Variants in INVS observed in about 807,000 individuals in gnomAD.
INVS encodes the protein inversin.
INVS carries 86 observed loss-of-function variants against 108.8 expected under a neutral mutation model. That is an observed-to-expected ratio of 0.79 (90% CI 0.66 to 0.95). INVS has a LOEUF of 0.95. Among genes scored for constraint, INVS ranks in the 40% least tolerant of loss-of-function variants. INVS has a pLI of 0.00. For synonymous variants in INVS, 455 were observed against 473.5 expected (o/e 0.96, Z 0.51); for missense variants, 1,169 against 1,297.4 (o/e 0.90, Z 1.52).
chr9:100,164,174 T>G (rs1172060417), intron 3 of INVS, among the ~76,000 whole-genome samples: 1 of 152,206 alleles, frequency 6.6e-6, no homozygotes, highest in Non-Finnish European at 1.5e-5. Flanking sequence ...TTGAAATGTG[T>G]ATACATTCTG....
At chr9:100,270,464 G>A (rs1832916234) in intron 11 of INVS, among the ~76,000 whole-genome samples, 1 of 151,946 alleles carries the variant, frequency 6.6e-6, no homozygotes. Flanking sequence ...ACAAAAACTG[G>A]CCGGGTGCAG....
In INVS at chr9:100,300,660, A is replaced by G. The variant is rs750609488; in HGVS notation, c.3184A>G (p.Lys1062Glu). ...GCAATCAGCTACTCAGCCAAAAAAC[A>G]AAACAAAACCTTGACTGCCTATGGA... ...NLQSATQPKNKTKP is the reference protein window; with the variant it reads ...NLQSATQPKNETKP The change falls in exon 17 of 17, where the codon AAA becomes GAA. Residue 1062 changes from lysine to glutamate, a missense_variant. By Grantham distance (56) the Lys-to-Glu change is moderately conservative (BLOSUM62 1). Coordinates refer to ENST00000262457, the MANE Select transcript of INVS (RefSeq NM_014425.5). The G allele has an allele frequency of 1.2e-6, 2 of 1,612,404 alleles. No individual in the cohort carries two copies. Among genetic ancestry groups the G allele is most frequent in the East Asian group, 2.2e-5 (1 of 44,882 alleles).
At chr9:100,121,472 A>G (rs1442897604) in intron 2 of INVS, among the ~76,000 whole-genome samples, 1 of 152,188 alleles carries the variant, frequency 6.6e-6, no homozygotes, top group African/African-American at 2.4e-5. Context: ...TATATCTTCC[A>G]AGGAATTTAT....
intron 3 of INVS, among the ~76,000 whole-genome samples, chr9:100,183,472 A>G (rs1829956789): frequency 6.6e-6 from 1 of 152,190 alleles, no homozygotes. Flanking sequence ...CAAAACTAAG[A>G]TAATTTATCC....
At chr9:100,141,670 C>T (rs1461868448) in intron 3 of INVS, among the ~76,000 whole-genome samples, 1 of 152,112 alleles carries the variant, frequency 6.6e-6, no homozygotes, top group Non-Finnish European at 1.5e-5. Context: ...CTTGCCAGTC[C>T]TGGGCAGGGG....
chr9:100,149,381 GA>G (rs1239067669), intron 3 of INVS, among the ~76,000 whole-genome samples: 1 of 152,126 alleles, frequency 6.6e-6, no homozygotes, highest in Non-Finnish European at 1.5e-5. Flanking sequence ...GAAACCTCTG[GA>G]TTGAGATGGT....
At chr9:100,197,495 C>G (rs1205086410) in intron 3 of INVS, among the ~76,000 whole-genome samples, 1 of 152,194 alleles carries the variant, frequency 6.6e-6, no homozygotes, top group Non-Finnish European at 1.5e-5. Flanking sequence ...GAGCTTCTGT[C>G]TCTGTGGAGT....
intron 12 of INVS, among the ~76,000 whole-genome samples, chr9:100,273,577 G>A (rs1228092943): frequency 1.7e-5 from 2 of 118,132 alleles, no homozygotes; most frequent in African/African-American, 3.3e-5. Flanking sequence ...CTCACTTGCC[G>A]CCCAGGCTGG....
At chr9:100,199,473 G>C (rs377049039) in intron 3 of INVS, among the ~76,000 whole-genome samples, 1 of 151,456 alleles carries the variant, frequency 6.6e-6, no homozygotes, top group South Asian at 2.1e-4. Flanking sequence ...TTTCTCTTTT[G>C]CATTAATCAA....
chr9:100,177,788 C>T (rs769331856), intron 3 of INVS, among the ~76,000 whole-genome samples: 1 of 152,216 alleles, frequency 6.6e-6, no homozygotes, highest in African/African-American at 2.4e-5. Flanking sequence ...AAGGGAAAGA[C>T]TGCCTCTTCA....
rs1377480155 is a variant in INVS at position 100,300,860 on chromosome 9, G to A, written c.*186G>A. 3.2e-6 allele frequency: 2 copies of A among 631,138 alleles called. No individual in the cohort carries two copies. Among genetic ancestry groups the A allele is most frequent in the Non-Finnish European group, 5.7e-6 (2 of 352,494 alleles). The allele number at this position is 631,138 out of a possible 1,614,324, so 39.1% of individuals were successfully genotyped here. On this transcript the variant is annotated 3_prime_UTR_variant, in exon 17 of 17. Coordinates refer to ENST00000262457, the MANE Select transcript of INVS (RefSeq NM_014425.5). ...TTCCTTTCTGCTCTTACACAGCATT[G>A]TTTTGTCAATCAACACAGCCTGCAC...
At chr9:100,186,377 T>C (rs1332199395) in intron 3 of INVS, among the ~76,000 whole-genome samples, 2 of 152,032 alleles carry the variant, frequency 1.3e-5, no homozygotes, top group Non-Finnish European at 2.9e-5. Flanking sequence ...GATTTTGAAC[T>C]CCTGACATCA....
chr9:100,252,531 C>T, intron 9 of INVS, 93 bp downstream of exon 9: 1 of 1,188,248 alleles, frequency 8.4e-7, no homozygotes, highest in South Asian at 1.3e-5. Flanking sequence ...TAGCAGAAAG[C>T]TGCACAAGTA....
At chr9:100,175,841 G>A in intron 3 of INVS, 1 of 664,020 alleles carries the variant, frequency 1.5e-6, no homozygotes, top group Admixed American at 1.8e-5. Flanking sequence ...GAACAATCAG[G>A]CCTGGAACAA....
intron 2 of INVS, among the ~76,000 whole-genome samples, chr9:100,112,096 C>T (rs368228884): frequency 8.5e-5 from 13 of 152,090 alleles, no homozygotes; most frequent in Admixed American, 4.6e-4. Context: ...TTCAGCCTCC[C>T]GAGTACCTGG....
intron 3 of INVS, among the ~76,000 whole-genome samples, chr9:100,189,054 A>G (rs965094767): frequency 7.1e-6 from 1 of 141,602 alleles, no homozygotes; most frequent in Non-Finnish European, 1.5e-5. Context: ...TGTGTTACAG[A>G]TATTGCTGTA....
At chr9:100,126,627 C>A in intron 3 of INVS, 78 bp downstream of exon 3, 1 of 1,351,116 alleles carries the variant, frequency 7.4e-7, no homozygotes, top group Non-Finnish European at 1.1e-6. Flanking sequence ...ATGCAATGGA[C>A]AGATAATAAA....
At chr9:100,229,956 G>A (rs950079656) in intron 5 of INVS, 129 bp downstream of exon 5, 24 of 833,580 alleles carry the variant, frequency 2.9e-5, no homozygotes, top group Non-Finnish European at 4.6e-5. Flanking sequence ...ACAGACATAT[G>A]GACTCATCCC....
Position 100,240,168 on chromosome 9 carries a change from T to G in INVS, c.724T>G (p.Ser242Ala), listed in dbSNP as rs749879003. ...GNVTVVDVLT[S>A]YESCNITSYD... is the part of the protein sequence containing the mutation. ...TGTGACCGTGGTTGATGTCTTGACC[T>G]CATATGAAAGCTGCAATATAACGTC... is the stretch of plus-strand genomic sequence containing the variant. Residue 242 changes from serine (S) to alanine (A), a missense_variant, in exon 6 of 17, where the codon TCA becomes GCA. Ser to Ala is a moderately conservative substitution (Grantham distance 99, BLOSUM62 1). Around this residue, in one of 3 missense-constraint regions of INVS, gnomAD observed 365 missense variants for 397.5 expected, o/e 0.92. Transcript: ENST00000262457. 6.2e-7 allele frequency: 1 copy of G among 1,613,970 alleles called. No individual in the cohort carries two copies. Among genetic ancestry groups the G allele is most frequent in the Non-Finnish European group, 8.5e-7 (1 of 1,179,896 alleles).
Sources: gnomAD v4.1 joint callset for allele counts (sites outside exome capture counted in the v4.1 genomes callset) on GRCh38, gnomAD v4.1.1 for gene constraint, gnomAD v4.1.1 regional missense constraint, MANE v1.5 for transcripts, NCBI Gene and HGNC (gene_info 2026-07-23, HGNC 2026-07-21) for gene names.